MPPED2: variants seen among roughly 807,000 people sequenced by gnomAD.
MPPED2 encodes metallophosphoesterase domain containing 2, also known as metallophosphoesterase MPPED2.
In MPPED2, 5 loss-of-function variants were observed where a neutral mutation model predicts 33.0. That is an observed-to-expected ratio of 0.15 (90% CI 0.08 to 0.32). The LOEUF is 0.32. Ranked by LOEUF, MPPED2 falls within the 10% of genes least tolerant of loss-of-function variation. The pLI, the probability that MPPED2 is intolerant of heterozygous loss-of-function variation, is 1.00. For synonymous variants in MPPED2, 136 were observed against 141.9 expected, an observed-to-expected ratio of 0.96 and a Z score of 0.29; for missense variants, 275 against 372.1, an observed-to-expected ratio of 0.74 and a Z score of 2.15.
intron 3 of MPPED2, among the ~76,000 whole-genome samples, chr11:30,524,238 A>T (rs961275302): frequency 6.6e-6 from 1 of 152,164 alleles, no homozygotes; most frequent in African/African-American, 2.4e-5. Context: ...GGGCGACAAG[A>T]GTGAGACTCT....
At chr11:30,412,567 T>C (rs1366538668) in intron 6 of MPPED2, among the ~76,000 whole-genome samples, 1 of 152,166 alleles carries the variant, frequency 6.6e-6, no homozygotes, top group Non-Finnish European at 1.5e-5. Context: ...AAGTAAAGCC[T>C]GTGGAGAACT....
intron 4 of MPPED2, among the ~76,000 whole-genome samples, chr11:30,453,351 T>G (rs538875482): frequency 4.6e-5 from 7 of 152,346 alleles, no homozygotes; most frequent in Non-Finnish European, 1.0e-4. Context: ...GCTCTCAAGC[T>G]ATCCTTCAAT....
intron 3 of MPPED2, among the ~76,000 whole-genome samples, chr11:30,507,148 A>C (rs1952872504): frequency 6.6e-6 from 1 of 152,248 alleles, no homozygotes; most frequent in African/African-American, 2.4e-5. Context: ...TTTGTCAATA[A>C]GCAAAACCAA....
chr11:30,418,938 C>T (rs1948491062), intron 4 of MPPED2, among the ~76,000 whole-genome samples: 1 of 152,146 alleles, frequency 6.6e-6, no homozygotes, highest in Non-Finnish European at 1.5e-5. Context: ...ACGTGCAAAC[C>T]TCAGTTCACG....
chr11:30,561,733 G>C (rs571040622), intron 2 of MPPED2, among the ~76,000 whole-genome samples: 9 of 152,176 alleles, frequency 5.9e-5, no homozygotes, highest in Non-Finnish European at 1.2e-4. Flanking sequence ...AAGGAAAATT[G>C]CCTGTGGCTA....
At chr11:30,465,190 G>A (rs1225909681) in intron 4 of MPPED2, among the ~76,000 whole-genome samples, 1 of 152,194 alleles carries the variant, frequency 6.6e-6, no homozygotes, top group Non-Finnish European at 1.5e-5. Context: ...GTAAGCTGGT[G>A]AGGCTGTAAT....
chr11:30,437,446 C>T (rs1175027298), intron 4 of MPPED2, among the ~76,000 whole-genome samples: 1 of 152,174 alleles, frequency 6.6e-6, no homozygotes, highest in African/African-American at 2.4e-5. Flanking sequence ...CATCAAATTT[C>T]AACCCTAGAA....
chr11:30,420,077 A>G (rs1302717016), intron 4 of MPPED2, among the ~76,000 whole-genome samples: 1 of 152,186 alleles, frequency 6.6e-6, no homozygotes, highest in Non-Finnish European at 1.5e-5. Flanking sequence ...AATACCTGGA[A>G]CCTGTGAATG....
intron 3 of MPPED2, among the ~76,000 whole-genome samples, chr11:30,506,547 G>GA (rs1952838287): frequency 6.6e-6 from 1 of 152,108 alleles, no homozygotes; most frequent in Non-Finnish European, 1.5e-5. Flanking sequence ...AAGCAACTGA[G>GA]AAAAAGGTGT....
At chr11:30,525,713 G>C (rs1954129195) in intron 3 of MPPED2, among the ~76,000 whole-genome samples, 1 of 152,058 alleles carries the variant, frequency 6.6e-6, no homozygotes. Flanking sequence ...GTAAGACAGA[G>C]ATAATACTAT....
At chr11:30,491,129 G>A (rs1361815245) in intron 4 of MPPED2, among the ~76,000 whole-genome samples, 1 of 152,030 alleles carries the variant, frequency 6.6e-6, no homozygotes, top group African/African-American at 2.4e-5. Context: ...TCTCAGAGAT[G>A]GAAAAAATCT....
chr11:30,463,853 T>C (rs565419544), intron 4 of MPPED2, among the ~76,000 whole-genome samples: 1 of 41,370 alleles, frequency 2.4e-5, no homozygotes, highest in East Asian at 3.5e-4. Context: ...TGTTATTTTA[T>C]ATATATATAT....
chr11:30,566,033 A>G (rs901268508), intron 2 of MPPED2, among the ~76,000 whole-genome samples: 2 of 152,130 alleles, frequency 1.3e-5, no homozygotes, highest in Non-Finnish European at 2.9e-5. Flanking sequence ...AAAAATGTAG[A>G]GTTGTTAAAC....
At chr11:30,444,379 AG>A (rs1314300710) in intron 4 of MPPED2, among the ~76,000 whole-genome samples, 2 of 152,224 alleles carry the variant, frequency 1.3e-5, no homozygotes, top group African/African-American at 4.8e-5. Flanking sequence ...TTCCTGAAGA[AG>A]GAGTCCATAA....
intron 3 of MPPED2, among the ~76,000 whole-genome samples, chr11:30,525,868 A>C (rs1248249651): frequency 2.6e-5 from 4 of 152,224 alleles, no homozygotes; most frequent in Non-Finnish European, 5.9e-5. Context: ...TGCCCATAAC[A>C]CAGAGGATTG....
At chr11:30,494,509 G>A (rs1952141122) in intron 4 of MPPED2, among the ~76,000 whole-genome samples, 4 of 152,016 alleles carry the variant, frequency 2.6e-5, no homozygotes, top group East Asian at 3.9e-4. Context: ...AGGCCAAGGC[G>A]GGCCAATCAC....
intron 2 of MPPED2, among the ~76,000 whole-genome samples, chr11:30,577,817 A>G (rs552439110): frequency 6.6e-6 from 1 of 152,334 alleles, no homozygotes; most frequent in African/African-American, 2.4e-5. Context: ...TCAAGAACTG[A>G]CAGAAAAATT....
exon 7 of MPPED2, chr11:30,386,963 G>T (rs1947710577): frequency 2.6e-6 from 1 of 390,998 alleles, no homozygotes; most frequent in Non-Finnish European, 4.5e-6. Context: ...CGCAAAGTAA[G>T]CAATACAATC....
At chr11:30,442,430 G>A (rs536360551) in intron 4 of MPPED2, among the ~76,000 whole-genome samples, 5 of 152,330 alleles carry the variant, frequency 3.3e-5, no homozygotes, top group Admixed American at 1.3e-4. Context: ...CAGGGAAAAC[G>A]GGAGAGACAA....
Sources: allele counts gnomAD v4.1 joint callset (sites outside exome capture counted in the v4.1 genomes callset), GRCh38; gene constraint gnomAD v4.1.1; transcripts MANE v1.5; gene names NCBI Gene and HGNC (gene_info 2026-07-23, HGNC 2026-07-21).